Variants in KLC3 observed in about 807,000 individuals in gnomAD.
KLC3 encodes the protein kinesin light chain 2.
KLC3 carries 72 observed loss-of-function variants against 62.9 expected under a neutral mutation model. The ratio of observed to expected loss-of-function variants is 1.15; its 90% CI spans 0.95 to 1.39. The LOEUF is 1.39. KLC3 is among the 40% of genes most tolerant of loss of function. KLC3 has a pLI of 0.00. For missense variants in KLC3, 848 were observed against 691.6 expected (o/e 1.23, Z -2.54); for synonymous variants, 377 against 300.5 (o/e 1.25, Z -2.63).
At chr19:45,348,496 G>A (rs572209963) in intron 5 of KLC3, 150 bp from the exon 6 acceptor site, 5 of 739,742 alleles carry the variant, frequency 6.8e-6, no homozygotes, top group African/African-American at 1.8e-5. Context: ...TGCGAAATAT[G>A]GAGGGGCCCA....
chr19:45,344,620 C>T (rs562612196), intron 1 of KLC3, among the ~76,000 whole-genome samples: 9 of 151,942 alleles, frequency 5.9e-5, no homozygotes, highest in Non-Finnish European at 1.2e-4. Flanking sequence ...AGGGAGGGTG[C>T]GGGTGTGTGA....
In KLC3 at chr19:45,351,443, C is replaced by T. The variant is rs1440898258; in HGVS notation, c.*86C>T. ...GGGGTGAGAGGGGGTCTATCATCTC[C>T]TGGCCCCCCCTTGCCTCTGGGTACC... On this transcript the variant is annotated 3_prime_UTR_variant, in exon 13 of 13. Transcript: ENST00000391946. 12 of 1,584,976 alleles carry T rather than the reference C, an allele frequency of 7.6e-6. No homozygotes were observed. The highest frequency in any genetic ancestry group is 1.0e-5 in the Non-Finnish European group (12 of 1,168,938).
At chr19:45,350,300 A>T (rs764785858) in intron 8 of KLC3, 41 bp from the exon 9 acceptor site, 1 of 1,516,742 alleles carries the variant, frequency 6.6e-7, no homozygotes, top group Non-Finnish European at 9.1e-7. Flanking sequence ...AGTGTTGGGA[A>T]CTGGGGTCCG....
At chr19:45,349,708 C>A in intron 8 of KLC3, 106 bp downstream of exon 8, 1 of 1,132,462 alleles carries the variant, frequency 8.8e-7, no homozygotes, top group South Asian at 1.7e-5. Flanking sequence ...GGGGGGGGCC[C>A]CCCAGGCCGG....
intron 1 of KLC3, among the ~76,000 whole-genome samples, chr19:45,344,379 A>T (rs1318409950): frequency 5.4e-4 from 65 of 121,448 alleles, no homozygotes; most frequent in Admixed American, 9.2e-4. Flanking sequence ...ATGCTCTGCT[A>T]TTTTTTTTTT....
Position 45,348,141 on chromosome 19 carries a change from A to AT in KLC3, c.761dup (p.Leu255ProfsTer20), listed in dbSNP as rs775600907. 1 of 1,595,116 alleles carries AT rather than the reference A, an allele frequency of 6.3e-7. No homozygotes were observed. The highest frequency in any genetic ancestry group is 2.3e-5 in the East Asian group (1 of 44,106). On this transcript the variant is annotated frameshift_variant, in exon 5 of 13. Transcript: ENST00000391946. LOFTEE classifies it high-confidence loss of function. ...CCCTGACGTGGCCACCATGCTCAAC[A>AT]TCCTGGCGCTGGTGTACCGGTGAGC... is the stretch of plus-strand genomic sequence containing the variant.
intron 1 of KLC3, among the ~76,000 whole-genome samples, chr19:45,344,214 C>CT (rs60340712): frequency 0.011 from 1,301 of 121,062 alleles, 19 homozygotes; most frequent in African/African-American, 0.032. Context: ...TGTGTACCGT[C>CT]TTTTTTTTTT....
intron 1 of KLC3, chr19:45,344,725 G>C (rs963189898): frequency 6.6e-6 from 1 of 152,234 alleles, no homozygotes. Context: ...ACAACCACAT[G>C]AAGTCCCATA....
intron 4 of KLC3, 86 bp downstream of exon 4, chr19:45,347,602 C>T (rs909312791): frequency 7.9e-7 from 1 of 1,271,348 alleles, no homozygotes; most frequent in Admixed American, 2.2e-5. Context: ...AATCTCTGAG[C>T]CAGGGGATGG....
At chr19:45,345,399 C>A in intron 1 of KLC3, 135 bp from the exon 2 acceptor site, 1 of 1,176,904 alleles carries the variant, frequency 8.5e-7, no homozygotes, top group Non-Finnish European at 1.2e-6. Context: ...GAGGGCTGGC[C>A]AGGATGGGTG....
In KLC3 at chr19:45,348,058, CGGT is replaced by C; in HGVS notation, c.679_681del (p.Val227del). 1 of 1,603,010 alleles carries C rather than the reference CGGT, an allele frequency of 6.2e-7. No individual in the cohort carries two copies. Among genetic ancestry groups the C allele is most frequent in the South Asian group, 1.1e-5 (1 of 89,302 alleles). The stretch of plus-strand genomic sequence containing the variant: ...GCGGGGCAGGGCCGCTATGAGGTGG[CGGT>C]GCCTCTGTGCCGCCAGGCCTTGGAG... On this transcript the variant is annotated inframe_deletion, in exon 5 of 13. Coordinates refer to ENST00000391946, the MANE Select transcript of KLC3 (RefSeq NM_177417.3).
rs1252803156 is a variant in KLC3 at position 45,348,929 on chromosome 19, C to T, written c.969+8C>T. On this transcript the variant is annotated splice_region_variant and intron_variant, in intron 7 of 12. Coordinates refer to ENST00000391946, the MANE Select transcript of KLC3 (RefSeq NM_177417.3). ...TTGGAGATCCGAGAGAAGGTCCCAT[C>T]CCCCTCACCCCACCCCGAGGAACCC... 1.9e-6 allele frequency: 3 copies of T among 1,565,202 alleles called. No homozygotes were observed. Among genetic ancestry groups the T allele is most frequent in the East Asian group, 2.3e-5 (1 of 42,770 alleles).
rs1477846520 is a variant in KLC3 at position 45,348,106 on chromosome 19, G to A, written c.725G>A (p.Gly242Asp). ...QALEDLERSS[G>D]HCHPDVATML... ...TTGGAGGACCTGGAGCGCAGCTCGG[G>A]CCACTGCCACCCTGACGTGGCCACC... Residue 242 changes from glycine (G) to aspartate (D), a missense_variant, in exon 5 of 13, where the codon GGC becomes GAC. Coordinates refer to ENST00000391946, the MANE Select transcript of KLC3 (RefSeq NM_177417.3). The A allele has an allele frequency of 6.2e-7, 1 of 1,602,298 alleles. No homozygotes were observed. Among genetic ancestry groups the A allele is most frequent in the Admixed American group, 1.7e-5 (1 of 58,514 alleles).
intron 8 of KLC3, 49 bp downstream of exon 8, chr19:45,349,651 TG>T (rs1306571139): frequency 6.7e-6 from 9 of 1,352,878 alleles, no homozygotes; most frequent in Non-Finnish European, 8.8e-6. Flanking sequence ...GGTCCTGCCC[TG>T]GGGAGGCACC....
chr19:45,349,012 TCGG>T, intron 7 of KLC3, 91 bp downstream of exon 7: 2 of 1,161,634 alleles, frequency 1.7e-6, no homozygotes, highest in Non-Finnish European at 2.5e-6. Context: ...ACCCTGACCC[TCGG>T]GCCCCTTGCG....
In KLC3 at chr19:45,345,731, C is replaced by A; in HGVS notation, c.190C>A (p.Leu64Met). The A allele has an allele frequency of 6.4e-7, 1 of 1,560,602 alleles. No individual in the cohort carries two copies. Among genetic ancestry groups the A allele is most frequent in the Non-Finnish European group, 8.7e-7 (1 of 1,153,194 alleles). ...GGGCCCGGCAGCCGGCTTGGAGATG[C>A]TGGAGGAAAAGCAGCAGGTGGTGAG... The part of the protein sequence containing the change: ...GQGPAAGLEM[L>M]EEKQQVVSHS... The change falls in exon 2 of 13, where the codon CTG becomes ATG. Residue 64 changes from leucine to methionine, a missense_variant. By Grantham distance (15) the Leu-to-Met change is conservative. Coordinates refer to ENST00000391946, the MANE Select transcript of KLC3 (RefSeq NM_177417.3).
intron 7 of KLC3, 108 bp from the exon 8 acceptor site, chr19:45,349,321 C>A: frequency 1.7e-6 from 2 of 1,163,024 alleles, no homozygotes; most frequent in East Asian, 4.8e-5. Context: ...TCAGGTCACT[C>A]TCTGCTTTGA....
intron 10 of KLC3, 21 bp downstream of exon 10, chr19:45,350,572 G>T: frequency 6.2e-7 from 1 of 1,613,868 alleles, no homozygotes; most frequent in Non-Finnish European, 8.5e-7. Flanking sequence ...GCTGTGCTTC[G>T]GCTCCTGGGG....
intron 3 of KLC3, chr19:45,347,187 A>G (rs1195773890): frequency 6.3e-6 from 3 of 477,664 alleles, no homozygotes; most frequent in African/African-American, 4.0e-5. Flanking sequence ...TACTAAAAAT[A>G]CAAAATTAGC....
Sources: allele counts gnomAD v4.1 joint callset (sites outside exome capture counted in the v4.1 genomes callset), GRCh38; gene constraint gnomAD v4.1.1; transcripts MANE v1.5; gene names NCBI Gene and HGNC (gene_info 2026-07-23, HGNC 2026-07-21).